TRERF1: variants seen among roughly 807,000 people sequenced by gnomAD.
The protein encoded by TRERF1 is transcriptional-regulating factor 1.
TRERF1 carries 27 observed loss-of-function variants against 122.9 expected under a neutral mutation model. The observed-to-expected ratio is 0.22, with a 90% CI of 0.16 to 0.30. TRERF1 has a LOEUF of 0.30. TRERF1 is among the 10% of genes least tolerant of loss of function. The probability of loss-of-function intolerance (pLI) is 1.00; values close to 1 mark genes in which losing one functional copy is unlikely to be tolerated. For synonymous variants in TRERF1, 636 were observed against 641.7 expected (o/e 0.99, Z 0.13); for missense variants, 1,248 against 1,560.3 (o/e 0.80, Z 3.37).
At chr6:42,299,116 C>CTCTATCTATCTATCTATCTATCTA (rs1554152190) in intron 4 of TRERF1, among the ~76,000 whole-genome samples, 16 of 141,786 alleles carry the variant, frequency 1.1e-4, no homozygotes, top group African/African-American at 4.3e-4. Context: ...GTCTGTCTGT[C>CTCTATCTATCTATCTATCTATCTA]TCTATCTATC....
At chr6:42,291,338 C>T (rs1160760274) in intron 4 of TRERF1, among the ~76,000 whole-genome samples, 1 of 151,980 alleles carries the variant, frequency 6.6e-6, no homozygotes, top group Non-Finnish European at 1.5e-5. Context: ...AAAGTCTATG[C>T]CGTAGTACAG....
intron 2 of TRERF1, among the ~76,000 whole-genome samples, chr6:42,421,063 A>G (rs561740175): frequency 6.6e-6 from 1 of 152,338 alleles, no homozygotes; most frequent in South Asian, 2.1e-4. Context: ...AGCCTCTTAC[A>G]TGCTCCATGA....
At chr6:42,403,046 C>T (rs956322688) in intron 2 of TRERF1, among the ~76,000 whole-genome samples, 4 of 151,850 alleles carry the variant, frequency 2.6e-5, no homozygotes, top group Admixed American at 2.6e-4. Context: ...AGGACAGGGA[C>T]AATAAAGAAA....
At chr6:42,447,665 T>C (rs1464343373) in intron 2 of TRERF1, among the ~76,000 whole-genome samples, 1 of 152,176 alleles carries the variant, frequency 6.6e-6, no homozygotes, top group Non-Finnish European at 1.5e-5. Flanking sequence ...GCCTGGGGTA[T>C]AAGCCACTTG....
Position 42,269,298 on chromosome 6 carries a change from C to T in TRERF1, c.293G>A (p.Arg98His), listed in dbSNP as rs199703920. The change falls in exon 5 of 18, where the codon CGT (arginine) becomes CAT (histidine). Residue 98 changes from arginine (R) to histidine (H), a missense_variant. By Grantham distance (29) the Arg-to-His change is conservative. Transcript: ENST00000372922. The surrounding 1 kb of genome is among the most constrained non-coding windows in gnomAD (Gnocchi z 4.9). ...CATGTTTGAGTTGGCCAGGTTTCCA[C>T]GTAGCTGGACATGGTTTCCAGGCCC... The T allele has an allele frequency of 4.2e-5, 67 of 1,614,196 alleles. 2 individuals carry two copies. The East Asian group carries it at 7.8e-4, about 19-fold the overall frequency.
chr6:42,351,316 G>T (rs1397892686), intron 3 of TRERF1, among the ~76,000 whole-genome samples: 1 of 152,152 alleles, frequency 6.6e-6, no homozygotes, highest in African/African-American at 2.4e-5. Flanking sequence ...AGATTTATGT[G>T]CAGAGACATT....
intron 2 of TRERF1, among the ~76,000 whole-genome samples, chr6:42,405,446 T>A (rs1462080936): frequency 6.6e-6 from 1 of 152,086 alleles, no homozygotes; most frequent in Admixed American, 6.6e-5. Flanking sequence ...AATTAGATGA[T>A]GTACGTTCAA....
intron 2 of TRERF1, among the ~76,000 whole-genome samples, chr6:42,440,983 C>T (rs1183980729): frequency 2.0e-5 from 3 of 152,128 alleles, no homozygotes; most frequent in African/African-American, 7.2e-5. Flanking sequence ...TACATTACCA[C>T]AATAATGATT....
intron 2 of TRERF1, among the ~76,000 whole-genome samples, chr6:42,447,068 G>A (rs1177551165): frequency 3.3e-5 from 5 of 152,094 alleles, no homozygotes; most frequent in Non-Finnish European, 7.4e-5. Context: ...TGTTATTTAG[G>A]CACACGGGTT....
intron 15 of TRERF1, among the ~76,000 whole-genome samples, chr6:42,239,444 C>T (rs1773112227): frequency 6.6e-6 from 1 of 152,178 alleles, no homozygotes; most frequent in Admixed American, 6.5e-5. Context: ...TCACACTGCC[C>T]CTGCTGAGTG....
intron 2 of TRERF1, among the ~76,000 whole-genome samples, chr6:42,411,155 T>A (rs1781042470): frequency 6.6e-6 from 1 of 152,180 alleles, no homozygotes; most frequent in African/African-American, 2.4e-5. Context: ...TAAGGCTCCA[T>A]CCATCCGGCT....
chr6:42,446,375 G>A (rs1787520696), intron 2 of TRERF1, among the ~76,000 whole-genome samples: 1 of 152,150 alleles, frequency 6.6e-6, no homozygotes, highest in Non-Finnish European at 1.5e-5. Flanking sequence ...CTTCTGCACA[G>A]GCTCTCCTCT....
intron 15 of TRERF1, among the ~76,000 whole-genome samples, chr6:42,242,704 C>T (rs59498043): frequency 0.011 from 1,715 of 152,238 alleles, 40 homozygotes; most frequent in African/African-American, 0.038. Flanking sequence ...GAAATCAATA[C>T]CAGGGATAAT....
At chr6:42,358,783 C>CTTT (rs397886998) in intron 3 of TRERF1, among the ~76,000 whole-genome samples, 91 of 125,130 alleles carry the variant, frequency 7.3e-4, no homozygotes, top group African/African-American at 2.3e-3. Context: ...TGACCTAAAG[C>CTTT]TTTTTTTTTT....
chr6:42,295,652 C>A (rs1784982422), intron 4 of TRERF1, among the ~76,000 whole-genome samples: 1 of 152,128 alleles, frequency 6.6e-6, no homozygotes. Context: ...CGTGTTTTTC[C>A]CTCTTGGATA....
At chr6:42,391,411 C>T (rs1339194002) in intron 2 of TRERF1, among the ~76,000 whole-genome samples, 1 of 152,192 alleles carries the variant, frequency 6.6e-6, no homozygotes, top group Non-Finnish European at 1.5e-5. Context: ...CTAAGCTAGA[C>T]TGTTGCACCC....
chr6:42,441,640 C>T (rs1786535283), intron 2 of TRERF1, among the ~76,000 whole-genome samples: 1 of 151,616 alleles, frequency 6.6e-6, no homozygotes, highest in African/African-American at 2.4e-5. Flanking sequence ...CATTAAGAAC[C>T]AATGGCGAGA....
chr6:42,389,923 G>A (rs1051756162), intron 2 of TRERF1, among the ~76,000 whole-genome samples: 2 of 152,186 alleles, frequency 1.3e-5, no homozygotes, highest in African/African-American at 4.8e-5. Context: ...CTCTCCATCT[G>A]GCCAGCCAGT....
chr6:42,397,067 G>C (rs999367072), intron 2 of TRERF1, among the ~76,000 whole-genome samples: 1 of 152,172 alleles, frequency 6.6e-6, no homozygotes, highest in Admixed American at 6.5e-5. Context: ...GAGATAAAAG[G>C]CAAGATGCTC....
Sources: allele counts gnomAD v4.1 joint callset (sites outside exome capture counted in the v4.1 genomes callset), GRCh38; gene constraint gnomAD v4.1.1; non-coding constraint Gnocchi (gnomAD v3.1); transcripts MANE v1.5; gene names NCBI Gene and HGNC (gene_info 2026-07-23, HGNC 2026-07-21).